Variants in MAN2B2 observed in about 807,000 individuals in gnomAD.
The protein encoded by MAN2B2 is epididymis-specific alpha-mannosidase.
In MAN2B2, 106 loss-of-function variants were observed where a neutral mutation model predicts 117.1. The ratio of observed to expected loss-of-function variants is 0.90; its 90% confidence interval spans 0.77 to 1.06. The LOEUF is 1.06. Ranked by LOEUF, MAN2B2 falls within the 50% of genes least tolerant of loss-of-function variation. MAN2B2 has a pLI of 0.00. For missense variants in MAN2B2, 1,326 were observed against 1,381.4 expected (o/e 0.96, Z 0.64); for synonymous variants, 544 against 595.1 (o/e 0.91, Z 1.25).
intron 10 of MAN2B2, among the ~76,000 whole-genome samples, chr4:6,602,875 T>C (rs1260725536): frequency 6.6e-6 from 1 of 152,060 alleles, no homozygotes; most frequent in Non-Finnish European, 1.5e-5. Flanking sequence ...AGGGTCTTAC[T>C]ATGTTGCCCA....
At chr4:6,588,898 C>A in intron 4 of MAN2B2, 147 bp from the exon 5 acceptor site, 2 of 625,334 alleles carry the variant, frequency 3.2e-6, no homozygotes, top group Non-Finnish European at 5.8e-6. Context: ...CAGTCTTAGA[C>A]GGAAACGGCA....
In MAN2B2 at chr4:6,610,917, A is replaced by T. The variant is rs1560660869; in HGVS notation, c.2297A>T (p.Asp766Val). The T allele has an allele frequency of 6.2e-7, 1 of 1,614,164 alleles. No individual in the cohort carries two copies. Among genetic ancestry groups the T allele is most frequent in the Admixed American group, 1.7e-5 (1 of 60,026 alleles). Reference protein sequence around the residue: ...YPMVQSAFMEDGKSRLVLLSE... With the variant: ...YPMVQSAFMEVGKSRLVLLSE... ...ATGGTTCAGTCGGCCTTCATGGAGG[A>T]TGGCAAAAGCAGGCTTGTGTTGCTG... The change falls in exon 14 of 19, where the codon GAT becomes GTT. Residue 766 changes from aspartate (D) to valine (V), a missense_variant. Coordinates refer to ENST00000285599, the MANE Select transcript of MAN2B2 (RefSeq NM_015274.3).
At chr4:6,579,075 CCACCACCACCATCACCATCACCAG>C (rs1560634263) in intron 3 of MAN2B2, among the ~76,000 whole-genome samples, 21 of 66,686 alleles carry the variant, frequency 3.1e-4, no homozygotes, top group South Asian at 1.1e-3. Flanking sequence ...ACCATCACCA[CCACCACCACCATCACCATCACCAG>C]CACCACCACC....
intron 3 of MAN2B2, among the ~76,000 whole-genome samples, chr4:6,584,750 A>G (rs370530626): frequency 1.3e-5 from 2 of 152,198 alleles, no homozygotes; most frequent in East Asian, 3.9e-4. Context: ...TCATTACTTA[A>G]CAATGCCCCT....
At chr4:6,618,905 T>A (rs1243193650) in intron 17 of MAN2B2, 1 of 152,250 alleles carries the variant, frequency 6.6e-6, no homozygotes, top group East Asian at 1.9e-4. Context: ...GTCCCTGGCC[T>A]GCCTGAGAGC....
chr4:6,597,163 G>A lies in MAN2B2; in HGVS notation c.1108G>A (p.Gly370Arg), dbSNP rs769485596. 41 of 1,612,888 alleles carry A rather than the reference G, an allele frequency of 2.5e-5. 1 individual carries two copies. In the Admixed American group the frequency reaches 6.5e-4, roughly 26 times the overall value. Residue 370 changes from glycine (G) to arginine (R), a missense_variant, in exon 8 of 19, where the codon GGG becomes AGG. Coordinates refer to ENST00000285599, the MANE Select transcript of MAN2B2 (RefSeq NM_015274.3). ...GFYTSRSSLK[G>R]LARRASALLY... The stretch of plus-strand genomic sequence containing the variant: ...CTACACGTCCCGCAGCTCACTGAAG[G>A]GGCTGGCCCGGCGAGCCAGCGCCTT...
chr4:6,619,806 G>A, intron 17 of MAN2B2, 121 bp from the exon 18 acceptor site: 1 of 777,380 alleles, frequency 1.3e-6, no homozygotes, highest in South Asian at 1.6e-5. Flanking sequence ...AGGCACCAGG[G>A]GAGGACCTGG....
rs779252054 is a variant in MAN2B2, at chr4:6,619,946, G to A, written c.2834G>A (p.Gly945Glu). 2 of 1,613,884 alleles carry A rather than the reference G, an allele frequency of 1.2e-6. No individual in the cohort carries two copies. Among genetic ancestry groups the A allele is most frequent in the South Asian group, 1.1e-5 (1 of 91,058 alleles). ...CTGCAGGCTGTGCTGCAGGCGCTGGGGTCCGTGGTGGCAGTGGAGGAGCGC... is the reference window on the plus strand; with the variant it reads ...CTGCAGGCTGTGCTGCAGGCGCTGGAGTCCGTGGTGGCAGTGGAGGAGCGC... ...VNLEAVLQAL[G>E]SVVAVEERSL... is the part of the protein sequence containing the mutation. Residue 945 changes from glycine to glutamate, a missense_variant, in exon 18 of 19, where the codon GGG becomes GAG. Coordinates refer to ENST00000285599, the MANE Select transcript of MAN2B2 (RefSeq NM_015274.3).
At chr4:6,606,323 C>T (rs1460520198) in intron 11 of MAN2B2, among the ~76,000 whole-genome samples, 1 of 152,202 alleles carries the variant, frequency 6.6e-6, no homozygotes, top group Non-Finnish European at 1.5e-5. Context: ...CCCAGTGGCT[C>T]CTGAGGGAAA....
chr4:6,617,847 G>GGTTT, intron 17 of MAN2B2: 1 of 162,802 alleles, frequency 6.1e-6, no homozygotes, highest in Non-Finnish European at 1.2e-5. Flanking sequence ...CGATGGCTAA[G>GGTTT]TTTTTTTTTT....
chr4:6,579,337 C>G (rs868180811), intron 3 of MAN2B2, among the ~76,000 whole-genome samples: 20 of 83,012 alleles, frequency 2.4e-4, no homozygotes, highest in Admixed American at 3.7e-4. Flanking sequence ...ACCACCACCA[C>G]CACCATCACC....
At chr4:6,582,027 G>A (rs1726448671) in intron 3 of MAN2B2, among the ~76,000 whole-genome samples, 1 of 152,060 alleles carries the variant, frequency 6.6e-6, no homozygotes, top group South Asian at 2.1e-4. Flanking sequence ...ATGTTTAGCG[G>A]AGGCCCAGCA....
chr4:6,614,692 A>G (rs1277587441), intron 16 of MAN2B2, among the ~76,000 whole-genome samples: 1 of 152,168 alleles, frequency 6.6e-6, no homozygotes, highest in Non-Finnish European at 1.5e-5. Context: ...CTTCCAGGGA[A>G]ACCTCCTGGA....
intron 16 of MAN2B2, 69 bp downstream of exon 16, chr4:6,614,424 C>CCAA (rs1560664542): frequency 1.3e-6 from 2 of 1,567,898 alleles, no homozygotes; most frequent in African/African-American, 2.7e-5. Context: ...ACCGGGCCCA[C>CCAA]CACCAGACAG....
At chr4:6,582,394 A>G (rs935612344) in intron 3 of MAN2B2, among the ~76,000 whole-genome samples, 3 of 152,098 alleles carry the variant, frequency 2.0e-5, no homozygotes, top group Non-Finnish European at 4.4e-5. Context: ...GCTGGAGTGC[A>G]GTGGCGCAAT....
At chr4:6,595,634 C>T (rs1336119567) in intron 7 of MAN2B2, among the ~76,000 whole-genome samples, 2 of 152,352 alleles carry the variant, frequency 1.3e-5, no homozygotes, top group African/African-American at 4.8e-5. Flanking sequence ...AATCTGTTCA[C>T]GAGGGCAGAG....
chr4:6,596,272 C>T (rs775737966), intron 7 of MAN2B2, among the ~76,000 whole-genome samples: 3 of 151,764 alleles, frequency 2.0e-5, no homozygotes, highest in African/African-American at 4.9e-5. Flanking sequence ...TGAATGGAAT[C>T]GGGCCTCACC....
At chr4:6,600,883 G>T in intron 10 of MAN2B2, 127 bp downstream of exon 10, 1 of 1,202,414 alleles carries the variant, frequency 8.3e-7, no homozygotes. Context: ...AGAGGAAACT[G>T]AGGCTCAGAG....
chr4:6,604,165 G>T (rs1210992275), intron 10 of MAN2B2, among the ~76,000 whole-genome samples: 1 of 152,196 alleles, frequency 6.6e-6, no homozygotes, highest in Admixed American at 6.5e-5. Flanking sequence ...TGGTGATGCT[G>T]GAGCCCCAAG....
Sources: allele counts gnomAD v4.1 joint callset (sites outside exome capture counted in the v4.1 genomes callset), GRCh38; gene constraint gnomAD v4.1.1; transcripts MANE v1.5; gene names NCBI Gene and HGNC (gene_info 2026-07-23, HGNC 2026-07-21).